The following MYLK4 variants were observed in gnomAD, a reference collection of about 807,000 sequenced individuals.
MYLK4 encodes myosin light chain kinase family member 4.
MYLK4 carries 46 observed loss-of-function variants against 48.1 expected under a neutral mutation model. That is an observed-to-expected ratio of 0.96 (90% CI 0.75 to 1.22). The LOEUF is 1.22. Ranked by LOEUF, MYLK4 falls within the 50% of genes most tolerant of loss-of-function variation. The probability of loss-of-function intolerance (pLI) is 0.00; values close to 1 mark genes in which losing one functional copy is unlikely to be tolerated. For missense variants in MYLK4, 451 were observed against 486.1 expected (o/e 0.93, Z 0.68); for synonymous variants, 170 against 180.8 (o/e 0.94, Z 0.48).
At chr6:2,736,259 CTGT>C (rs1222856831) in intron 2 of MYLK4, among the ~76,000 whole-genome samples, 1 of 152,176 alleles carries the variant, frequency 6.6e-6, no homozygotes, top group African/African-American at 2.4e-5. Flanking sequence ...ATTGCTGTTG[CTGT>C]TGTTGTTTTT....
chr6:2,707,169 A>C (rs9328120), intron 2 of MYLK4, among the ~76,000 whole-genome samples: 130,686 of 152,152 alleles, frequency 0.86, 56,201 homozygotes, highest in Admixed American at 0.89. Context: ...AGCTATTTCA[A>C]CCAACTGCAG....
intron 2 of MYLK4, among the ~76,000 whole-genome samples, chr6:2,703,130 T>C (rs1467562653): frequency 6.6e-6 from 1 of 152,066 alleles, no homozygotes; most frequent in African/African-American, 2.4e-5. Context: ...CCAGTAACTA[T>C]AGGGTCAATA....
the MYLK4 span, among the ~76,000 whole-genome samples, chr6:2,757,997 A>C: frequency 6.6e-6 from 1 of 152,196 alleles, no homozygotes. Context: ...AGTGCTTCCT[A>C]TTTGTTAAGT....
intron 2 of MYLK4, among the ~76,000 whole-genome samples, chr6:2,733,029 G>A (rs1001229834): frequency 3.3e-5 from 5 of 152,212 alleles, no homozygotes; most frequent in African/African-American, 7.2e-5. Context: ...TTCAGGCAGA[G>A]AATGGCCCTT....
intron 2 of MYLK4, among the ~76,000 whole-genome samples, chr6:2,731,521 G>A (rs1324241233): frequency 6.6e-6 from 1 of 152,168 alleles, no homozygotes; most frequent in Non-Finnish European, 1.5e-5. Context: ...TCCTTCAGGT[G>A]CAGATGAAAC....
chr6:2,674,326 A>G (rs1761004368), intron 11 of MYLK4, among the ~76,000 whole-genome samples: 1 of 152,206 alleles, frequency 6.6e-6, no homozygotes, highest in South Asian at 2.1e-4. Context: ...TGCCCAGAGC[A>G]GATCAAGCCA....
the MYLK4 span, chr6:2,765,679 G>A: frequency 1.9e-6 from 3 of 1,551,166 alleles, no homozygotes; most frequent in Admixed American, 1.8e-5. Context: ...ACCAGGTGCA[G>A]TGCCCCGTGT....
intron 2 of MYLK4, among the ~76,000 whole-genome samples, chr6:2,706,407 T>C (rs1453146943): frequency 6.6e-6 from 1 of 151,466 alleles, no homozygotes; most frequent in East Asian, 1.9e-4. Flanking sequence ...TTTTTGGAGG[T>C]GATGGATAAG....
At chr6:2,760,885 A>G in the MYLK4 span, among the ~76,000 whole-genome samples, 2 of 152,212 alleles carry the variant, frequency 1.3e-5, no homozygotes, top group African/African-American at 4.8e-5. Flanking sequence ...TGGAAAGTCA[A>G]GAAGAGAGAG....
intron 2 of MYLK4, among the ~76,000 whole-genome samples, chr6:2,734,086 A>G (rs1003495621): frequency 8.5e-5 from 13 of 152,306 alleles, no homozygotes; most frequent in Admixed American, 2.0e-4. Context: ...GCCAAAAAAC[A>G]TGCTAAAACC....
intron 2 of MYLK4, among the ~76,000 whole-genome samples, chr6:2,728,797 C>A (rs543323417): frequency 2.4e-4 from 37 of 152,218 alleles, no homozygotes; most frequent in Non-Finnish European, 4.9e-4. Flanking sequence ...AAGCACCCAC[C>A]TCCCAATAAC....
Position 2,671,317 on chromosome 6 carries a change from T to A in MYLK4, c.1151A>T (p.Asp384Val), listed in dbSNP as rs1328746657. 6.2e-7 allele frequency: 1 copy of A among 1,614,066 alleles called. No homozygotes were observed. Among genetic ancestry groups the A allele is most frequent in the Admixed American group, 1.7e-5 (1 of 60,026 alleles). ...TCCTGTAGACTATTTGGTCACAAAG[T>A]CCTGGGCATCAGAGCCACGATTCTT... ...KKKNRGSDAQ[D>V]FVTK The change falls in exon 12 of 13, where the codon GAC becomes GTC. Residue 384 changes from aspartate to valine, a missense_variant. By Grantham distance (152) the Asp-to-Val change is radical (BLOSUM62 -3). Transcript: ENST00000274643.
intron 6 of MYLK4, among the ~76,000 whole-genome samples, chr6:2,683,690 A>G (rs930640610): frequency 3.3e-5 from 5 of 152,182 alleles, no homozygotes. Context: ...AAGTGCTGGG[A>G]TTACAGGTGG....
chr6:2,672,797 G>A lies in MYLK4; in HGVS notation c.1120-1449C>T, dbSNP rs935772116. On this transcript the variant is annotated intron_variant, in intron 11 of 12. Transcript: ENST00000274643. This position sits in a 1 kb window ranked among gnomAD's most constrained non-coding sequence, Gnocchi z 4.3. ...GTACCCAGCAGCCCATCACCGGCAG[G>A]AGAGCAGAGCAGTGAGGCTCTGCCC... Among the ~76,000 whole-genome samples, 1 of 152,098 alleles carries A rather than the reference G, an allele frequency of 6.6e-6. No individual in the cohort carries two copies. The highest frequency in any genetic ancestry group is 1.5e-5 in the Non-Finnish European group (1 of 68,024).
At chr6:2,729,121 T>C (rs1461919559) in intron 2 of MYLK4, among the ~76,000 whole-genome samples, 2 of 152,230 alleles carry the variant, frequency 1.3e-5, no homozygotes, top group Non-Finnish European at 2.9e-5. Context: ...CTCACACTCC[T>C]GCAAAGCCAC....
chr6:2,676,839 A>T (rs549340898), intron 10 of MYLK4, among the ~76,000 whole-genome samples: 4 of 152,328 alleles, frequency 2.6e-5, no homozygotes, highest in African/African-American at 9.6e-5. Flanking sequence ...CCACAGGATT[A>T]TCCAGAAGCC....
intron 2 of MYLK4, among the ~76,000 whole-genome samples, chr6:2,735,288 T>C (rs960292717): frequency 1.3e-5 from 2 of 152,140 alleles, no homozygotes; most frequent in Non-Finnish European, 2.9e-5. Context: ...GATCTGAAGG[T>C]AAATGAAGAA....
upstream of MYLK4, among the ~76,000 whole-genome samples, chr6:2,751,800 T>A (rs903976199): frequency 6.6e-6 from 1 of 152,256 alleles, no homozygotes; most frequent in African/African-American, 2.4e-5. Context: ...AATACATATT[T>A]TTCCATTTTA....
chr6:2,732,104 T>C (rs11754403), intron 2 of MYLK4, among the ~76,000 whole-genome samples: 12,121 of 152,346 alleles, frequency 0.08, 617 homozygotes, highest in South Asian at 0.18. Context: ...CTAAGACGTA[T>C]GCTGGCCTTT....
Sources: allele counts gnomAD v4.1 joint callset (sites outside exome capture counted in the v4.1 genomes callset), GRCh38; gene constraint gnomAD v4.1.1; non-coding constraint Gnocchi (gnomAD v3.1); transcripts MANE v1.5; gene names NCBI Gene and HGNC (gene_info 2026-07-23, HGNC 2026-07-21).